Variants in MAP9 observed in about 807,000 individuals in gnomAD.
The protein encoded by MAP9 is microtubule-associated protein 9.
In MAP9, 80 loss-of-function variants were observed where a neutral mutation model predicts 75.2. That is an observed-to-expected ratio of 1.06 (90% CI 0.89 to 1.28). The LOEUF is 1.28. Ranked by LOEUF, MAP9 falls within the 50% of genes most tolerant of loss-of-function variation. The pLI is 0.00. For missense variants in MAP9, 753 were observed against 719.9 expected (o/e 1.05, Z -0.53); for synonymous variants, 235 against 237.3 (o/e 0.99, Z 0.09).
chr4:155,352,396 G>A, intron 13 of MAP9, 200 bp downstream of exon 13: 1 of 450,900 alleles, frequency 2.2e-6, no homozygotes, highest in Non-Finnish European at 3.9e-6. Context: ...CTGGGTGTTT[G>A]AGGGAATAGT....
In MAP9 at chr4:155,362,080, GA is replaced by G; in HGVS notation, c.769del (p.Ser257HisfsTer24). ...AGATGCGTTTCCCTCAGATCCTGGT[GA>G]AAAAGAATCTCCAAGAATTTGTTTA... ...SLKQILGDSF[S>X]PGSEGNASGK... is the part of the protein sequence containing the mutation. On this transcript the variant is annotated frameshift_variant, in exon 6 of 14. Coordinates refer to ENST00000311277, the MANE Select transcript of MAP9 (RefSeq NM_001039580.2). LOFTEE classifies it high-confidence loss of function. The G allele has an allele frequency of 6.2e-7, 1 of 1,600,386 alleles. No individual in the cohort carries two copies. Among genetic ancestry groups the G allele is most frequent in the South Asian group, 1.1e-5 (1 of 87,962 alleles).
chr4:155,376,197 C>T (rs1260034801), intron 1 of MAP9, among the ~76,000 whole-genome samples: 1 of 152,102 alleles, frequency 6.6e-6, no homozygotes, highest in Non-Finnish European at 1.5e-5. Context: ...TAAAATAGAA[C>T]ACCTTATTTT....
chr4:155,344,105 G>A lies in MAP9; in HGVS notation c.*3678C>T, dbSNP rs2111162858. 6.6e-6 allele frequency: 1 copy of A among 151,990 alleles called. No individual in the cohort carries two copies. Among genetic ancestry groups the A allele is most frequent in the African/African-American group, 2.4e-5 (1 of 41,526 alleles). 9.4% of individuals were successfully genotyped at this position (151,990 alleles called of 1,614,324 possible). On this transcript the variant is annotated 3_prime_UTR_variant, in exon 14 of 14. Coordinates refer to ENST00000311277, the MANE Select transcript of MAP9 (RefSeq NM_001039580.2). ...ACTAACACGTAATTTCCCCTACTTT[G>A]TGAAATTCCTTTTCTTTATTGTATC...
chr4:155,347,689 ATATTCCTCTAAC>A lies in MAP9; in HGVS notation c.*82_*93del. ...GGAGTGTCTGGCATTTAATTAAAAT[ATATTCCTCTAAC>A]TATAAATAATTGAATGGTTTTAAAT... is the stretch of plus-strand genomic sequence containing the variant. On this transcript the variant is annotated 3_prime_UTR_variant, in exon 14 of 14. Transcript: ENST00000311277. 8.4e-7 allele frequency: 1 copy of A among 1,186,104 alleles called. No individual in the cohort carries two copies. Among genetic ancestry groups the A allele is most frequent in the South Asian group, 1.9e-5 (1 of 53,558 alleles). 73.5% of individuals were successfully genotyped at this position (1,186,104 alleles called of 1,614,324 possible).
chr4:155,356,119 T>G (rs1477162678), intron 8 of MAP9, among the ~76,000 whole-genome samples: 1 of 151,946 alleles, frequency 6.6e-6, no homozygotes, highest in Non-Finnish European at 1.5e-5. Context: ...ATACAAAAAA[T>G]TAGCTGGCGT....
At chr4:155,368,505 TTC>T (rs1433158701) in intron 5 of MAP9, 79 bp downstream of exon 5, 1 of 1,156,606 alleles carries the variant, frequency 8.6e-7, no homozygotes, top group Non-Finnish European at 1.3e-6. Flanking sequence ...CACAAATTCA[TTC>T]TCTCCTTCTC....
In MAP9 at chr4:155,373,365, C is replaced by T. The variant is rs200622233; in HGVS notation, c.252G>A (p.Lys84=). ...TCAAAAACAATAGTTTTGAAGGATTCTTTTCTTCATCATCTGATATATGAA... is the reference window on the plus strand; with the variant it reads ...TCAAAAACAATAGTTTTGAAGGATTTTTTTCTTCATCATCTGATATATGAA... ...NDFHISDDEE[K]NPSKLLFLKT... Residue 84 remains lysine (K), a synonymous_variant, in exon 4 of 14, where the codon AAG becomes AAA. Transcript: ENST00000311277. 221 of 1,610,398 alleles carry T rather than the reference C, an allele frequency of 1.4e-4. No homozygotes were observed. The East Asian group carries it at 4.4e-3, about 32-fold the overall frequency.
chr4:155,361,965 A>C, intron 6 of MAP9, 83 bp downstream of exon 6: 1 of 816,356 alleles, frequency 1.2e-6, no homozygotes, highest in Non-Finnish European at 2.0e-6. Flanking sequence ...TCTTATAACT[A>C]TACAAAGTAT....
At chr4:155,353,421 C>T in intron 10 of MAP9, 81 bp from the exon 11 acceptor site, 8 of 1,144,168 alleles carry the variant, frequency 7.0e-6, no homozygotes, top group Non-Finnish European at 9.0e-6. Context: ...TATAAATATA[C>T]ACATATACAT....
chr4:155,355,195 A>T, intron 9 of MAP9, 35 bp from the exon 10 acceptor site: 1 of 716,874 alleles, frequency 1.4e-6, no homozygotes, highest in Non-Finnish European at 2.1e-6. Flanking sequence ...ATAATATTTA[A>T]AATTTCTTAA....
chr4:155,343,383 G>A lies in MAP9; in HGVS notation c.*4400C>T, dbSNP rs895630921. On this transcript the variant is annotated 3_prime_UTR_variant, in exon 14 of 14. Coordinates refer to ENST00000311277, the MANE Select transcript of MAP9 (RefSeq NM_001039580.2). Reference sequence around the variant, plus strand: ...TAACAGGAAGAGTACAAAATAATATGTTAGTTATAACTATCTTCAGGAGAT... The same window carrying A: ...TAACAGGAAGAGTACAAAATAATATATTAGTTATAACTATCTTCAGGAGAT... 6.6e-6 allele frequency: 1 copy of A among 151,510 alleles called. No individual in the cohort carries two copies. Among genetic ancestry groups the A allele is most frequent in the Non-Finnish European group, 1.5e-5 (1 of 67,726 alleles). The allele number at this position is 151,510 out of a possible 1,614,324, so 9.4% of individuals were successfully genotyped here. A position where few individuals can be genotyped will look rare whatever the true frequency, so the allele number is the denominator to read the frequency against.
At chr4:155,365,875 A>G (rs1417795246) in intron 5 of MAP9, among the ~76,000 whole-genome samples, 1 of 151,904 alleles carries the variant, frequency 6.6e-6, no homozygotes, top group Non-Finnish European at 1.5e-5. Context: ...TTAAAACAGG[A>G]GATCACAAGG....
chr4:155,369,973 T>C (rs12500250), intron 4 of MAP9, among the ~76,000 whole-genome samples: 11,926 of 152,222 alleles, frequency 0.078, 1,036 homozygotes, highest in East Asian at 0.42. Flanking sequence ...ACTTCAAAAT[T>C]GGTCTAATTA....
At chr4:155,357,608 T>G in intron 7 of MAP9, 89 bp from the exon 8 acceptor site, 1 of 736,486 alleles carries the variant, frequency 1.4e-6, no homozygotes, top group Non-Finnish European at 2.4e-6. Flanking sequence ...ATCACTATTC[T>G]TTAAGCATCT....
rs780368532 is a variant in MAP9 at position 155,352,991 on chromosome 4, ATT to A, written c.1607_1608del (p.Glu536ValfsTer2). 1.2e-5 allele frequency: 19 copies of A among 1,540,310 alleles called. No homozygotes were observed. Among genetic ancestry groups the A allele is most frequent in the Non-Finnish European group, 1.6e-5 (18 of 1,135,810 alleles). The part of the protein sequence containing the change: ...YLKEKNRKER[E>X]YERAKKQKEE... ...TCTTTCTGTTTCTTTGCTCTTTCAT[ATT>A]CTCTCTCCTTTCTATTTTTCTCTTT... is the stretch of plus-strand genomic sequence containing the variant. On this transcript the variant is annotated frameshift_variant, in exon 12 of 14. Coordinates refer to ENST00000311277, the MANE Select transcript of MAP9 (RefSeq NM_001039580.2). LOFTEE classifies it high-confidence loss of function.
Position 155,352,681 on chromosome 4 carries a change from ATTTT to A in MAP9, c.1732_1735del (p.Lys578Ter), listed in dbSNP as rs752408269. ...CAGTTCTTCCTTTCTTTTCTCATTT[ATTTT>A]TTCTTTTTCCTTTTGCTTGAAAAAA... On this transcript the variant is annotated frameshift_variant, in exon 13 of 14. Coordinates refer to ENST00000311277, the MANE Select transcript of MAP9 (RefSeq NM_001039580.2). LOFTEE classifies it high-confidence loss of function. 34 of 1,556,424 alleles carry A rather than the reference ATTTT, an allele frequency of 2.2e-5. No individual in the cohort carries two copies. Among genetic ancestry groups the A allele is most frequent in the Non-Finnish European group, 2.9e-5 (33 of 1,140,252 alleles).
At chr4:155,350,994 C>T (rs1731487073) in intron 13 of MAP9, 1 of 151,690 alleles carries the variant, frequency 6.6e-6, no homozygotes, top group South Asian at 2.1e-4. Context: ...ATTTTGGTCC[C>T]ATGTACCTTT....
chr4:155,351,922 GTATT>G (rs954994492), intron 13 of MAP9, among the ~76,000 whole-genome samples: 32 of 151,990 alleles, frequency 2.1e-4, no homozygotes, highest in Non-Finnish European at 4.4e-4. Context: ...CTTATGTAAA[GTATT>G]TATTCATAGT....
At chr4:155,349,175 T>C (rs1057190803) in intron 13 of MAP9, among the ~76,000 whole-genome samples, 2 of 10,122 alleles carry the variant, frequency 2.0e-4, no homozygotes, top group Non-Finnish European at 4.3e-4. Context: ...AGAGCTTTGC[T>C]TGCAAACAGT....
Sources: gnomAD v4.1 joint callset for allele counts (sites outside exome capture counted in the v4.1 genomes callset) on GRCh38, gnomAD v4.1.1 for gene constraint, MANE v1.5 for transcripts, NCBI Gene and HGNC (gene_info 2026-07-23, HGNC 2026-07-21) for gene names.